Variants in XKR4 observed in about 807,000 individuals in gnomAD.
The protein encoded by XKR4 is XK related 4, also known as XK-related protein 4.
In XKR4, 12 loss-of-function variants were observed where a neutral mutation model predicts 53.9. That is an observed-to-expected ratio of 0.22 (90% CI 0.14 to 0.36). XKR4 has a LOEUF of 0.36. XKR4 is among the 10% of genes least tolerant of loss of function. The probability of loss-of-function intolerance (pLI) is 1.00; values close to 1 mark genes in which losing one functional copy is unlikely to be tolerated. For missense variants in XKR4, 799 were observed against 859.5 expected (o/e 0.93, Z 0.88); for synonymous variants, 354 against 362.4 (o/e 0.98, Z 0.26).
intron 1 of XKR4, among the ~76,000 whole-genome samples, chr8:55,250,125 C>A (rs913363871): frequency 3.3e-4 from 50 of 152,240 alleles, no homozygotes; most frequent in African/African-American, 1.2e-3. Context: ...ATAATTCTTT[C>A]AGGAAAAGGA....
chr8:55,487,783 A>G (rs941226957), intron 2 of XKR4, among the ~76,000 whole-genome samples: 15 of 152,202 alleles, frequency 9.9e-5, no homozygotes, highest in African/African-American at 3.6e-4. Context: ...TCCTTAATCC[A>G]GTCAAAATGA....
intron 1 of XKR4, among the ~76,000 whole-genome samples, chr8:55,283,199 C>T (rs1372708594): frequency 8.5e-5 from 13 of 152,294 alleles, no homozygotes; most frequent in Non-Finnish European, 1.6e-4. Context: ...ATATCATCAT[C>T]GTTAAGTGAT....
In XKR4 at chr8:55,102,343, G is replaced by C. The variant is rs559177408; in HGVS notation, c.-146G>C. The C allele has an allele frequency of 8.4e-6, 9 of 1,073,896 alleles. No individual in the cohort carries two copies. In the Admixed American group the frequency reaches 2.7e-4, roughly 32 times the overall value. The allele number at this position is 1,073,896 out of a possible 1,614,324, so 66.5% of individuals were successfully genotyped here. ...CGGCGGGCGGCGGGCGGCGGCGGAC[G>C]GCAGGCGAGCCGACGCAGGAGCAGG... is the stretch of plus-strand genomic sequence containing the variant. On this transcript the variant is annotated 5_prime_UTR_variant, in exon 1 of 3. Transcript: ENST00000327381. This position sits in a 1 kb window ranked among gnomAD's most constrained non-coding sequence, Gnocchi z 5.1.
intron 2 of XKR4, among the ~76,000 whole-genome samples, chr8:55,364,921 C>T (rs540587058): frequency 1.3e-5 from 2 of 152,170 alleles, no homozygotes; most frequent in Non-Finnish European, 2.9e-5. Context: ...CCACCACACC[C>T]GACCAATTTG....
intron 1 of XKR4, among the ~76,000 whole-genome samples, chr8:55,223,843 G>A (rs1817916810): frequency 6.6e-6 from 1 of 152,154 alleles, no homozygotes; most frequent in South Asian, 2.1e-4. Context: ...TTTGGACATG[G>A]TAGGATTAAG....
chr8:55,524,331 T>G lies in XKR4; in HGVS notation c.*104T>G. ...TAGAGCAGGGCAGTGAGCCGTGAAG[T>G]TCCTAGTGGGACCGTCATCACCATT... On this transcript the variant is annotated 3_prime_UTR_variant, in exon 3 of 3. Coordinates refer to ENST00000327381, the MANE Select transcript of XKR4 (RefSeq NM_052898.2). 2 of 1,149,214 alleles carry G rather than the reference T, an allele frequency of 1.7e-6. No individual in the cohort carries two copies. Among genetic ancestry groups the G allele is most frequent in the Non-Finnish European group, 2.4e-6 (2 of 820,022 alleles). The allele number at this position is 1,149,214 out of a possible 1,614,324, so 71.2% of individuals were successfully genotyped here.
At position 55,402,348 on chromosome 8, in the gene XKR4, A is replaced by G. The variant is rs897196055; in HGVS notation, c.1006+44471A>G. 2.0e-5 allele frequency among the ~76,000 whole-genome samples: 3 copies of G among 152,210 alleles called. No homozygotes were observed. In the East Asian group the frequency reaches 5.8e-4, roughly 29 times the overall value. On this transcript the variant is annotated intron_variant, in intron 2 of 2. Coordinates refer to ENST00000327381, the MANE Select transcript of XKR4 (RefSeq NM_052898.2). ...CCCATGCAGACCAAACACTTAGAAC[A>G]TGAACCACTGTGCAAATAGGTCTTA... is the stretch of plus-strand genomic sequence containing the variant.
intron 2 of XKR4, among the ~76,000 whole-genome samples, chr8:55,417,078 G>T (rs144035011): frequency 6.6e-6 from 1 of 152,184 alleles, no homozygotes; most frequent in Non-Finnish European, 1.5e-5. Flanking sequence ...AGGCATCAGA[G>T]GTGTTAAAGG....
intron 1 of XKR4, among the ~76,000 whole-genome samples, chr8:55,175,491 T>C (rs1197834366): frequency 6.6e-6 from 1 of 152,230 alleles, no homozygotes; most frequent in Non-Finnish European, 1.5e-5. Flanking sequence ...AATTGAATAT[T>C]CCTGCTGAAA....
intron 1 of XKR4, among the ~76,000 whole-genome samples, chr8:55,166,710 T>A (rs1817070079): frequency 6.6e-6 from 1 of 152,190 alleles, no homozygotes; most frequent in Non-Finnish European, 1.5e-5. Flanking sequence ...TATGTGGGAA[T>A]ATGCAGGCAG....
intron 1 of XKR4, among the ~76,000 whole-genome samples, chr8:55,293,396 C>T (rs916496768): frequency 2.0e-5 from 3 of 152,028 alleles, no homozygotes; most frequent in African/African-American, 7.2e-5. Flanking sequence ...GAAGAAGGAA[C>T]AAGTGCGAAA....
chr8:55,270,447 G>A (rs541653187), intron 1 of XKR4, among the ~76,000 whole-genome samples: 2 of 152,286 alleles, frequency 1.3e-5, no homozygotes, highest in African/African-American at 2.4e-5. Context: ...TTCACGAACT[G>A]CCTCAGTGTG....
chr8:55,151,179 T>A (rs762913921), intron 1 of XKR4, among the ~76,000 whole-genome samples: 2 of 152,190 alleles, frequency 1.3e-5, no homozygotes, highest in African/African-American at 2.4e-5. Flanking sequence ...ATTAGCAACA[T>A]ACGAATATTT....
chr8:55,116,248 A>G (rs149140005), intron 1 of XKR4, among the ~76,000 whole-genome samples: 131 of 152,280 alleles, frequency 8.6e-4, no homozygotes, highest in African/African-American at 3.0e-3. Flanking sequence ...GAGCCTCTGT[A>G]TCTACACGGA....
chr8:55,478,326 A>C (rs1010884550), intron 2 of XKR4, among the ~76,000 whole-genome samples: 1 of 152,106 alleles, frequency 6.6e-6, no homozygotes, highest in South Asian at 2.1e-4. Flanking sequence ...GAGAAATAAA[A>C]TACTTTACAG....
intron 1 of XKR4, among the ~76,000 whole-genome samples, chr8:55,181,214 G>C (rs1817306051): frequency 6.6e-6 from 1 of 152,140 alleles, no homozygotes; most frequent in Non-Finnish European, 1.5e-5. Flanking sequence ...AGATTCTCCA[G>C]CTCATCCTTT....
intron 1 of XKR4, among the ~76,000 whole-genome samples, chr8:55,353,772 T>C (rs1803760101): frequency 6.6e-6 from 1 of 151,954 alleles, no homozygotes; most frequent in African/African-American, 2.4e-5. Flanking sequence ...GCCATGGAGG[T>C]AGAAGAAAGG....
At position 55,466,643 on chromosome 8, in the gene XKR4, A is replaced by T. The variant is rs184274707; in HGVS notation, c.1007-56638A>T. On this transcript the variant is annotated intron_variant, in intron 2 of 2. Coordinates refer to ENST00000327381, the MANE Select transcript of XKR4 (RefSeq NM_052898.2). ...TAAAACTTAAAAGTATAATTAAAAAAATATATATGGATAAGCACATTTCTT... is the reference window on the plus strand; with the variant it reads ...TAAAACTTAAAAGTATAATTAAAAATATATATATGGATAAGCACATTTCTT... 1.7e-3 allele frequency among the ~76,000 whole-genome samples: 255 copies of T among 152,232 alleles called. 7 individuals carry two copies. In the East Asian group the frequency reaches 0.04, roughly 24 times the overall value.
intron 2 of XKR4, among the ~76,000 whole-genome samples, chr8:55,418,573 C>T (rs1459602535): frequency 6.6e-6 from 1 of 152,158 alleles, no homozygotes; most frequent in Non-Finnish European, 1.5e-5. Context: ...TAACCGGCCT[C>T]CCCTCTTCTG....
Sources: gnomAD v4.1 joint callset for allele counts (sites outside exome capture counted in the v4.1 genomes callset) on GRCh38, gnomAD v4.1.1 for gene constraint, Gnocchi (gnomAD v3.1) non-coding constraint, MANE v1.5 for transcripts, NCBI Gene and HGNC (gene_info 2026-07-23, HGNC 2026-07-21) for gene names.